Variants in STEAP2 observed in about 807,000 individuals in gnomAD.
STEAP2 encodes the protein STEAP2 metalloreductase, also known as metalloreductase STEAP2.
A neutral mutation model predicts 46.4 loss-of-function variants in STEAP2; 30 were observed. The ratio of observed to expected loss-of-function variants is 0.65; its 90% CI spans 0.48 to 0.88. STEAP2 has a LOEUF of 0.88. Among genes scored for constraint, STEAP2 ranks in the 40% least tolerant of loss-of-function variants. The pLI is 0.00. For missense variants in STEAP2, 513 were observed against 579.3 expected, an observed-to-expected ratio of 0.89 and a Z score of 1.18; for synonymous variants, 180 against 200.5, an observed-to-expected ratio of 0.90 and a Z score of 0.86.
chr7:90,219,031 T>G (rs1245045175), intron 2 of STEAP2, among the ~76,000 whole-genome samples: 1 of 152,182 alleles, frequency 6.6e-6, no homozygotes, highest in Non-Finnish European at 1.5e-5. Context: ...TTGTTTTTGT[T>G]TTTTTTATAG....
chr7:90,238,547 T>C (rs989335476), downstream of STEAP2, among the ~76,000 whole-genome samples: 1 of 152,120 alleles, frequency 6.6e-6, no homozygotes, highest in Non-Finnish European at 1.5e-5. Context: ...TTCATGAAAA[T>C]ATCCTCAAAG....
At chr7:90,228,143 A>G (rs1234203790) in intron 4 of STEAP2, among the ~76,000 whole-genome samples, 2 of 152,190 alleles carry the variant, frequency 1.3e-5, no homozygotes, top group Non-Finnish European at 1.5e-5. Flanking sequence ...ATTATGAGGT[A>G]GACTATGGTT....
intron 3 of STEAP2, 130 bp from the exon 4 acceptor site, chr7:90,226,841 A>G: frequency 1.1e-6 from 1 of 873,068 alleles, no homozygotes; most frequent in Non-Finnish European, 1.7e-6. Context: ...ATACTATAAT[A>G]TAGCTGAAAA....
chr7:90,233,046 T>C lies in STEAP2; in HGVS notation c.*422T>C. 1.0e-6 allele frequency: 1 copy of C among 969,478 alleles called. No homozygotes were observed. Among genetic ancestry groups the C allele is most frequent in the Non-Finnish European group, 1.2e-6 (1 of 815,302 alleles). 60.1% of individuals were successfully genotyped at this position (969,478 alleles called of 1,614,324 possible). A position where few individuals can be genotyped will look rare whatever the true frequency, so the allele number is the denominator to read the frequency against. On this transcript the variant is annotated 3_prime_UTR_variant, in exon 6 of 6. Coordinates refer to ENST00000394621, the MANE Select transcript of STEAP2 (RefSeq NM_001244944.2). ...GATTTTAATTATTCAACTTAAAAAG[T>C]AGAAATGCATTATTATACATTTTTT... is the stretch of plus-strand genomic sequence containing the variant.
Position 90,232,551 on chromosome 7 carries a change from A to C in STEAP2, c.1400A>C (p.Lys467Thr), listed in dbSNP as rs1166060844. The change falls in exon 6 of 6, where the codon AAG becomes ACG. Residue 467 changes from lysine (K) to threonine (T), a missense_variant. Physicochemically the swap from Lys to Thr is moderately conservative, Grantham distance 78. Coordinates refer to ENST00000394621, the MANE Select transcript of STEAP2 (RefSeq NM_001244944.2). ...KLKRIKKGWE[K>T]SQFLEEGMGG... ...AAACGAATTAAAAAAGGCTGGGAAA[A>C]GAGCCAATTTCTGGAAGAAGGTATG... is the stretch of plus-strand genomic sequence containing the variant. 1.2e-6 allele frequency: 2 copies of C among 1,613,626 alleles called. No individual in the cohort carries two copies. The highest frequency in any genetic ancestry group is 2.7e-5 in the African/African-American group (2 of 74,920).
intron 5 of STEAP2, among the ~76,000 whole-genome samples, chr7:90,230,583 A>G (rs1584247412): frequency 6.6e-6 from 1 of 152,154 alleles, no homozygotes; most frequent in Non-Finnish European, 1.5e-5. Context: ...TTAGTATATC[A>G]GTAGTATACT....
chr7:90,217,456 C>T (rs1795069621), intron 2 of STEAP2, among the ~76,000 whole-genome samples: 1 of 152,152 alleles, frequency 6.6e-6, no homozygotes, highest in South Asian at 2.1e-4. Flanking sequence ...ATGCTATTCT[C>T]TACCTCCATG....
rs752714437 is a variant in STEAP2, at chr7:90,227,423, C to T, written c.945C>T (p.Val315=). 4 of 1,611,712 alleles carry T rather than the reference C, an allele frequency of 2.5e-6. No individual in the cohort carries two copies. The highest frequency in any genetic ancestry group is 3.4e-6 in the Non-Finnish European group (4 of 1,178,022). ...LGLLSFFFAM[V]HVAYSLCLPM... ...TACTAAGTTTTTTCTTCGCTATGGT[C>T]CATGTTGCCTACAGCCTCTGCTTAC... Residue 315 remains valine (V), a synonymous_variant, in exon 4 of 6, where the codon GTC becomes GTT. Transcript: ENST00000394621.
chr7:90,230,061 G>C, intron 5 of STEAP2, 25 bp downstream of exon 5: 5 of 1,598,372 alleles, frequency 3.1e-6, no homozygotes, highest in Non-Finnish European at 4.3e-6. Flanking sequence ...GTTTGGTGAA[G>C]GATTGTGCAG....
intron 2 of STEAP2, among the ~76,000 whole-genome samples, chr7:90,223,117 T>G (rs1294345812): frequency 6.6e-6 from 1 of 152,210 alleles, no homozygotes; most frequent in Non-Finnish European, 1.5e-5. Context: ...TCATAGTTTA[T>G]GCAGCCAACA....
chr7:90,234,582 G>C lies in STEAP2; in HGVS notation c.*1958G>C, dbSNP rs190424312. On this transcript the variant is annotated 3_prime_UTR_variant, in exon 6 of 6. Coordinates refer to ENST00000394621, the MANE Select transcript of STEAP2 (RefSeq NM_001244944.2). Reference sequence around the variant, plus strand: ...TTTTTTTTTTTAAAGACAGAGTCTTGCTCTGTCACCCAGGCTGGAGTGCAG... The same window carrying C: ...TTTTTTTTTTTAAAGACAGAGTCTTCCTCTGTCACCCAGGCTGGAGTGCAG... 3.4e-4 allele frequency: 307 copies of C among 902,380 alleles called. No individual in the cohort carries two copies. In the East Asian group the frequency reaches 0.013, roughly 37 times the overall value. The allele number at this position is 902,380 out of a possible 1,614,324, so 55.9% of individuals were successfully genotyped here.
chr7:90,225,378 C>T lies in STEAP2; in HGVS notation c.296C>T (p.Thr99Ile). The T allele has an allele frequency of 4.3e-6, 7 of 1,613,756 alleles. No individual in the cohort carries two copies. Among genetic ancestry groups the T allele is most frequent in the Non-Finnish European group, 5.9e-6 (7 of 1,179,842 alleles). ...IFVAIHREHY[T>I]SLWDLRHLLV... is the part of the protein sequence containing the mutation. ...GTTGCTATACACAGAGAACATTATA[C>T]CTCCCTGTGGGACCTGAGACATCTG... Residue 99 changes from threonine to isoleucine, a missense_variant, in exon 3 of 6, where the codon ACC becomes ATC. Coordinates refer to ENST00000394621, the MANE Select transcript of STEAP2 (RefSeq NM_001244944.2).
intron 2 of STEAP2, among the ~76,000 whole-genome samples, chr7:90,220,726 T>C (rs1795222234): frequency 2.6e-5 from 4 of 152,182 alleles, no homozygotes; most frequent in Non-Finnish European, 1.5e-5. Context: ...AAGTTGTTTA[T>C]TTGAAATCGT....
chr7:90,235,630 A>C lies in STEAP2; in HGVS notation c.*3006A>C, dbSNP rs1795938781. On this transcript the variant is annotated 3_prime_UTR_variant, in exon 6 of 6. Transcript: ENST00000394621. ...TTAATCCTATGCAAAAAAAAAAATC[A>C]AGTAATTGTTTTCCTATGAGGAAAA... is the stretch of plus-strand genomic sequence containing the variant. 1.1e-6 allele frequency: 1 copy of C among 946,920 alleles called. No homozygotes were observed. The highest frequency in any genetic ancestry group is 4.8e-5 in the South Asian group (1 of 20,720). The allele number at this position is 946,920 out of a possible 1,614,324, so 58.7% of individuals were successfully genotyped here.
intron 4 of STEAP2, among the ~76,000 whole-genome samples, 189 bp from the exon 5 acceptor site, chr7:90,229,681 TTC>T (rs1396545847): frequency 6.6e-6 from 1 of 152,180 alleles, no homozygotes; most frequent in African/African-American, 2.4e-5. Flanking sequence ...TTTTGTTTAA[TTC>T]TCTTTTCCCT....
In STEAP2 at chr7:90,211,790, C is replaced by T. The variant is rs1181258327; in HGVS notation, c.-402C>T. Reference sequence around the variant, plus strand: ...GCCACGAGCTGTCCGGGCACGCAGCCCCTAGCGGCGCGTCGCTGCCAAGCC... The same window carrying T: ...GCCACGAGCTGTCCGGGCACGCAGCTCCTAGCGGCGCGTCGCTGCCAAGCC... On this transcript the variant is annotated 5_prime_UTR_variant, in exon 1 of 6. Transcript: ENST00000394621. 1 of 152,746 alleles carries T rather than the reference C, an allele frequency of 6.5e-6. No individual in the cohort carries two copies. Among genetic ancestry groups the T allele is most frequent in the Admixed American group, 6.5e-5 (1 of 15,294 alleles). The allele number at this position is 152,746 out of a possible 1,614,324, so 9.5% of individuals were successfully genotyped here.
At position 90,225,202 on chromosome 7, in the gene STEAP2, T is replaced by C; in HGVS notation, c.120T>C (p.Asp40=). 6.2e-7 allele frequency: 1 copy of C among 1,613,960 alleles called. No homozygotes were observed. Among genetic ancestry groups the C allele is most frequent in the Non-Finnish European group, 8.5e-7 (1 of 1,179,936 alleles). ...KVTVGVIGSG[D]FAKSLTIRLI... ...CTGTAGGTGTGATTGGAAGTGGAGATTTTGCCAAATCCTTGACCATTCGAC... is the reference window on the plus strand; with the variant it reads ...CTGTAGGTGTGATTGGAAGTGGAGACTTTGCCAAATCCTTGACCATTCGAC... The change falls in exon 3 of 6, where the codon GAT becomes GAC. Residue 40 remains aspartate, a synonymous_variant. Coordinates refer to ENST00000394621, the MANE Select transcript of STEAP2 (RefSeq NM_001244944.2).
rs1273987582 is a variant in STEAP2, at chr7:90,233,783, CT to C, written c.*1160del. 1.0e-6 allele frequency: 1 copy of C among 985,288 alleles called. No homozygotes were observed. Among genetic ancestry groups the C allele is most frequent in the Non-Finnish European group, 1.2e-6 (1 of 829,946 alleles). 61.0% of individuals were successfully genotyped at this position (985,288 alleles called of 1,614,324 possible). A position where few individuals can be genotyped will look rare whatever the true frequency, so the allele number is the denominator to read the frequency against. On this transcript the variant is annotated 3_prime_UTR_variant, in exon 6 of 6. Coordinates refer to ENST00000394621, the MANE Select transcript of STEAP2 (RefSeq NM_001244944.2). The stretch of plus-strand genomic sequence containing the variant: ...AGGCTCTAGAGCTCCCGCCGCGCCC[CT>C]ATGCATTATGTTCACAATGCCAATC...
downstream of STEAP2, among the ~76,000 whole-genome samples, chr7:90,237,940 C>T (rs1433863361): frequency 6.6e-6 from 1 of 151,802 alleles, no homozygotes; most frequent in Non-Finnish European, 1.5e-5. Context: ...CTACTAAATC[C>T]CCAGTATCTA....
Sources: allele counts gnomAD v4.1 joint callset (sites outside exome capture counted in the v4.1 genomes callset), GRCh38; gene constraint gnomAD v4.1.1; transcripts MANE v1.5; gene names NCBI Gene and HGNC (gene_info 2026-07-23, HGNC 2026-07-21).